Variants in ELMOD1 observed in about 807,000 individuals in gnomAD.
ELMOD1 encodes the protein ELMO domain-containing protein 1.
Under a neutral mutation model 46.7 loss-of-function variants are expected in ELMOD1, and 21 were observed. The ratio of observed to expected loss-of-function variants is 0.45; its 90% CI spans 0.32 to 0.65. The LOEUF is 0.65. ELMOD1 is among the 30% of genes least tolerant of loss of function. The pLI is 0.04. For missense variants in ELMOD1, 348 were observed against 407.8 expected, an observed-to-expected ratio of 0.85 and a Z score of 1.26; for synonymous variants, 122 against 138.2, an observed-to-expected ratio of 0.88 and a Z score of 0.82.
intron 11 of ELMOD1, among the ~76,000 whole-genome samples, chr11:107,657,205 T>C (rs1866649737): frequency 6.6e-6 from 1 of 152,166 alleles, no homozygotes; most frequent in Admixed American, 6.5e-5. Context: ...ACATTGGACT[T>C]CTCAACAGCA....
intron 2 of ELMOD1, among the ~76,000 whole-genome samples, chr11:107,629,434 G>C (rs1299048240): frequency 6.6e-6 from 1 of 152,202 alleles, no homozygotes; most frequent in East Asian, 1.9e-4. Context: ...ACAGTATAAA[G>C]AGAAAATAGG....
At chr11:107,613,866 T>C (rs1865818686) in intron 1 of ELMOD1, among the ~76,000 whole-genome samples, 1 of 152,244 alleles carries the variant, frequency 6.6e-6, no homozygotes, top group Non-Finnish European at 1.5e-5. Flanking sequence ...TTCTGAACTA[T>C]GGTTTTAATT....
At chr11:107,638,038 C>T (rs1272371337) in intron 6 of ELMOD1, among the ~76,000 whole-genome samples, 1 of 152,194 alleles carries the variant, frequency 6.6e-6, no homozygotes, top group Non-Finnish European at 1.5e-5. Context: ...GTATCCTCAT[C>T]ACATATAGTA....
In ELMOD1 at chr11:107,631,617, T is replaced by C; in HGVS notation, c.230T>C (p.Ile77Thr). ...TCTGTGAGTGTTCACCCCGACGCTA[T>C]TGAAAAAACTATAGAAGATATCATG... ...QTSVSVHPDAIEKTIEDIMEL... is the reference protein window; with the variant it reads ...QTSVSVHPDATEKTIEDIMEL... Residue 77 changes from isoleucine to threonine, a missense_variant, in exon 5 of 12, where the codon ATT (isoleucine) becomes ACT (threonine). Ile to Thr is a moderately conservative substitution (Grantham distance 89, BLOSUM62 -1). Coordinates refer to ENST00000265840, the MANE Select transcript of ELMOD1 (RefSeq NM_018712.4). The C allele has an allele frequency of 6.4e-7, 1 of 1,566,338 alleles. No homozygotes were observed. The highest frequency in any genetic ancestry group is 8.7e-7 in the Non-Finnish European group (1 of 1,154,612).
intron 9 of ELMOD1, among the ~76,000 whole-genome samples, chr11:107,653,247 A>G (rs1866557054): frequency 6.6e-6 from 1 of 152,120 alleles, no homozygotes; most frequent in South Asian, 2.1e-4. Context: ...GGAGTGGGGC[A>G]GATGCACACA....
At chr11:107,612,571 A>G (rs912405978) in intron 1 of ELMOD1, among the ~76,000 whole-genome samples, 1 of 152,216 alleles carries the variant, frequency 6.6e-6, no homozygotes, top group African/African-American at 2.4e-5. Context: ...CACTTGGGAA[A>G]TGCTGGTTTG....
intron 2 of ELMOD1, among the ~76,000 whole-genome samples, chr11:107,619,515 T>G (rs2135674949): frequency 6.6e-6 from 1 of 152,278 alleles, no homozygotes; most frequent in Middle Eastern, 3.4e-3. Flanking sequence ...GAGATGAAGC[T>G]TAGAATTTAG....
chr11:107,630,593 G>T, intron 3 of ELMOD1, 31 bp downstream of exon 3: 11 of 1,606,920 alleles, frequency 6.8e-6, no homozygotes, highest in Non-Finnish European at 9.3e-6. Context: ...TAAGCAAAAG[G>T]TAGAGTTGGT....
intron 9 of ELMOD1, among the ~76,000 whole-genome samples, chr11:107,652,335 G>T (rs1414056583): frequency 2.0e-5 from 3 of 152,172 alleles, no homozygotes; most frequent in Non-Finnish European, 2.9e-5. Flanking sequence ...AACATCCATT[G>T]GTTGAGTATT....
intron 6 of ELMOD1, among the ~76,000 whole-genome samples, chr11:107,641,768 A>G (rs1056844427): frequency 6.6e-6 from 1 of 152,172 alleles, no homozygotes; most frequent in African/African-American, 2.4e-5. Flanking sequence ...ACTTATATTT[A>G]GATTATACAT....
At chr11:107,657,516 A>G (rs1372406841) in intron 11 of ELMOD1, among the ~76,000 whole-genome samples, 1 of 152,222 alleles carries the variant, frequency 6.6e-6, no homozygotes, top group Admixed American at 6.5e-5. Context: ...TGACAGAGCA[A>G]GACCCCATCT....
intron 11 of ELMOD1, among the ~76,000 whole-genome samples, chr11:107,656,497 GAA>G (rs1487665240): frequency 1.5e-3 from 222 of 150,088 alleles, no homozygotes; most frequent in African/African-American, 5.2e-3. Context: ...GAGAGAGAGA[GAA>G]AGAGAAAGAG....
intron 1 of ELMOD1, among the ~76,000 whole-genome samples, chr11:107,599,724 AGAGC>A (rs1282227463): frequency 7.0e-6 from 1 of 143,078 alleles, no homozygotes; most frequent in Non-Finnish European, 1.5e-5. Context: ...CCAGGGCGAC[AGAGC>A]GAGACCTGTC....
intron 1 of ELMOD1, chr11:107,600,404 A>C (rs1865577349): frequency 6.6e-6 from 1 of 152,166 alleles, no homozygotes; most frequent in African/African-American, 2.4e-5. Context: ...ATGTCCACTG[A>C]TGTCTTTTTT....
chr11:107,600,226 T>C (rs1490757414), intron 1 of ELMOD1, among the ~76,000 whole-genome samples: 1 of 152,210 alleles, frequency 6.6e-6, no homozygotes, highest in Non-Finnish European at 1.5e-5. Flanking sequence ...TACTTCAGTA[T>C]GTATCTCTAA....
At chr11:107,606,543 C>T (rs1865687372) in intron 1 of ELMOD1, among the ~76,000 whole-genome samples, 1 of 152,192 alleles carries the variant, frequency 6.6e-6, no homozygotes, top group African/African-American at 2.4e-5. Flanking sequence ...CATCTTAAAA[C>T]TACATTGGCG....
At chr11:107,591,692 C>CAATTAACA (rs1865395182) in intron 1 of ELMOD1, 7 of 365,280 alleles carry the variant, frequency 1.9e-5, no homozygotes, top group Non-Finnish European at 1.1e-5. Context: ...GCATCTCGGC[C>CAATTAACA]CGGGCGTAGG....
At chr11:107,624,382 G>A (rs554934898) in intron 2 of ELMOD1, among the ~76,000 whole-genome samples, 53 of 152,248 alleles carry the variant, frequency 3.5e-4, no homozygotes, top group African/African-American at 4.1e-4. Context: ...CAGGCACGGC[G>A]GCTCATGCCT....
intron 4 of ELMOD1, 126 bp downstream of exon 4, chr11:107,630,854 A>G: frequency 4.3e-6 from 4 of 934,546 alleles, no homozygotes; most frequent in Non-Finnish European, 6.4e-6. Context: ...CTGAGAAGAA[A>G]TAATCATTTG....
Sources: gnomAD v4.1 joint callset for allele counts (sites outside exome capture counted in the v4.1 genomes callset) on GRCh38, gnomAD v4.1.1 for gene constraint, MANE v1.5 for transcripts, NCBI Gene and HGNC (gene_info 2026-07-23, HGNC 2026-07-21) for gene names.